Variants in DCDC2 observed in about 807,000 individuals in gnomAD.
The protein encoded by DCDC2 is doublecortin domain containing 2.
DCDC2 carries 40 observed loss-of-function variants against 50.2 expected under a neutral mutation model. That is an observed-to-expected ratio of 0.80 (90% CI 0.62 to 1.04). The LOEUF (loss-of-function observed/expected upper bound fraction) is 1.04. Among genes scored for constraint, DCDC2 ranks in the 50% least tolerant of loss-of-function variants. DCDC2 has a pLI of 0.00. For synonymous variants in DCDC2, 234 were observed against 210.6 expected (o/e 1.11, Z -0.96); for missense variants, 570 against 581.9 (o/e 0.98, Z 0.21).
At chr6:24,305,171 T>C (rs1759449420) in intron 2 of DCDC2, among the ~76,000 whole-genome samples, 1 of 152,214 alleles carries the variant, frequency 6.6e-6, no homozygotes, top group South Asian at 2.1e-4. Context: ...AAATACATGA[T>C]TGTTGAAATA....
intron 7 of DCDC2, among the ~76,000 whole-genome samples, chr6:24,233,802 T>C (rs1762383209): frequency 6.6e-6 from 1 of 152,356 alleles, no homozygotes; most frequent in African/African-American, 2.4e-5. Context: ...ACATAATGGC[T>C]AGCAGACTCA....
At chr6:24,237,574 T>C (rs751434449) in intron 7 of DCDC2, among the ~76,000 whole-genome samples, 3 of 152,270 alleles carry the variant, frequency 2.0e-5, no homozygotes, top group South Asian at 2.1e-4. Context: ...ACTGGGTAGA[T>C]AACAAAAGGA....
chr6:24,220,870 A>AAGAGAGAC lies in DCDC2; in HGVS notation c.923-15769_923-15768insGTCTCTCT, dbSNP rs373756905. ...TGGCGGCAGGAGAGAGACAGAGAGC[A>AAGAGAGAC]AGAGAGCGAGAGCGAGAGAGTGAGC... On this transcript the variant is annotated intron_variant, in intron 7 of 9. Coordinates refer to ENST00000378454, the MANE Select transcript of DCDC2 (RefSeq NM_016356.5). 2.1e-3 allele frequency among the ~76,000 whole-genome samples: 265 copies of AAGAGAGAC among 126,150 alleles called. 1 individual carries two copies. Among genetic ancestry groups the AAGAGAGAC allele is most frequent in the Non-Finnish European group, 3.1e-3 (193 of 62,290 alleles). 82.8% of individuals were successfully genotyped at this position (126,150 alleles called of 152,430 possible).
At chr6:24,220,065 G>T (rs1406050043) in intron 7 of DCDC2, among the ~76,000 whole-genome samples, 2 of 152,184 alleles carry the variant, frequency 1.3e-5, no homozygotes, top group South Asian at 2.1e-4. Context: ...GAAATATAAG[G>T]CTACCCATCG....
At chr6:24,202,992 A>C (rs541697698) in intron 8 of DCDC2, among the ~76,000 whole-genome samples, 1 of 152,364 alleles carries the variant, frequency 6.6e-6, no homozygotes, top group East Asian at 1.9e-4. Context: ...GAGAGGACAC[A>C]AACAAATGGA....
chr6:24,302,946 C>G (rs1020518545), intron 2 of DCDC2, among the ~76,000 whole-genome samples: 1 of 151,964 alleles, frequency 6.6e-6, no homozygotes, highest in Non-Finnish European at 1.5e-5. Flanking sequence ...CCAGTAGACA[C>G]GAAGCCCCTC....
At chr6:24,349,582 T>C (rs1457070736) in intron 2 of DCDC2, among the ~76,000 whole-genome samples, 4 of 152,020 alleles carry the variant, frequency 2.6e-5, no homozygotes, top group Non-Finnish European at 5.9e-5. Flanking sequence ...AGAAAGGAGC[T>C]GGTAAATCAA....
the DCDC2 span, among the ~76,000 whole-genome samples, chr6:24,378,009 T>C: frequency 3.2e-4 from 49 of 152,314 alleles, no homozygotes; most frequent in African/African-American, 1.1e-3. Context: ...GTGTACTGCT[T>C]AGAGAAGTGC....
At chr6:24,293,524 C>T (rs1763796946) in intron 4 of DCDC2, among the ~76,000 whole-genome samples, 1 of 152,150 alleles carries the variant, frequency 6.6e-6, no homozygotes, top group South Asian at 2.1e-4. Flanking sequence ...CAGGAGCACC[C>T]AGATTCATAA....
chr6:24,372,270 A>G, the DCDC2 span, among the ~76,000 whole-genome samples: 103 of 152,206 alleles, frequency 6.8e-4, no homozygotes, highest in South Asian at 0.018. Context: ...AACACAAAAA[A>G]TTAGCCAGGC....
At chr6:24,358,141 C>T (rs537367796), upstream of DCDC2, 63 of 534,802 alleles carry the variant, frequency 1.2e-4, no homozygotes, top group Non-Finnish European at 1.7e-4. Flanking sequence ...CACACACACA[C>T]ACACACAAAT....
chr6:24,349,496 T>A (rs968425532), intron 2 of DCDC2, among the ~76,000 whole-genome samples: 5 of 152,060 alleles, frequency 3.3e-5, no homozygotes, highest in African/African-American at 1.2e-4. Flanking sequence ...GGTAAAGGCA[T>A]CACACATGCA....
intron 2 of DCDC2, among the ~76,000 whole-genome samples, chr6:24,320,958 T>TAAAAAAAAAAAAAA (rs1223162798): frequency 6.8e-6 from 1 of 147,586 alleles, no homozygotes; most frequent in African/African-American, 2.5e-5. Flanking sequence ...ATAAAAAAAT[T>TAAAAAAAAAAAAAA]AAAAAAAAAA....
intron 7 of DCDC2, among the ~76,000 whole-genome samples, chr6:24,209,120 G>T (rs112926435): frequency 6.6e-6 from 1 of 152,130 alleles, no homozygotes; most frequent in African/African-American, 2.4e-5. Context: ...CGATGCCATC[G>T]TAAAAAGCAA....
chr6:24,372,799 G>A, the DCDC2 span, among the ~76,000 whole-genome samples: 7 of 152,162 alleles, frequency 4.6e-5, no homozygotes, highest in African/African-American at 1.7e-4. Context: ...ATAGCATTAG[G>A]AGATATACCT....
rs1427388773 is a variant in DCDC2, at chr6:24,291,049, TCAA to T, written c.584_586del (p.Val195del). On this transcript the variant is annotated inframe_deletion, in exon 5 of 10. Coordinates refer to ENST00000378454, the MANE Select transcript of DCDC2 (RefSeq NM_016356.5). Reference sequence around the variant, plus strand: ...CCCATTCTCCAACTCTGCTCCACTCTCAACAAGTTTTCCTTCTAAAGTATAAAG... The same window carrying T: ...CCCATTCTCCAACTCTGCTCCACTCTCAAGTTTTCCTTCTAAAGTATAAAG... 6.2e-7 allele frequency: 1 copy of T among 1,613,468 alleles called. No homozygotes were observed. The highest frequency in any genetic ancestry group is 2.2e-5 in the East Asian group (1 of 44,860).
chr6:24,353,128 C>T, intron 2 of DCDC2: 1 of 321,608 alleles, frequency 3.1e-6, no homozygotes, highest in Non-Finnish European at 6.2e-6. Flanking sequence ...ACAAAGTGTC[C>T]AACGTGACAT....
At chr6:24,291,679 G>T (rs1726829085) in intron 4 of DCDC2, among the ~76,000 whole-genome samples, 1 of 151,466 alleles carries the variant, frequency 6.6e-6, no homozygotes, top group Non-Finnish European at 1.5e-5. Context: ...TAGAGACCGG[G>T]TTTCACCGTT....
chr6:24,209,929 ATTC>A (rs1322539035), intron 7 of DCDC2, among the ~76,000 whole-genome samples: 3 of 152,080 alleles, frequency 2.0e-5, no homozygotes, highest in African/African-American at 4.8e-5. Flanking sequence ...CAGAGAGATT[ATTC>A]TTGTCAAAAT....
Sources: allele counts gnomAD v4.1 joint callset (sites outside exome capture counted in the v4.1 genomes callset), GRCh38; gene constraint gnomAD v4.1.1; transcripts MANE v1.5; gene names NCBI Gene and HGNC (gene_info 2026-07-23, HGNC 2026-07-21).